Variants in SUSD5 observed in about 807,000 individuals in gnomAD.
SUSD5 encodes sushi domain-containing protein 5.
SUSD5 carries 33 observed loss-of-function variants against 29.5 expected under a neutral mutation model. The ratio of observed to expected loss-of-function variants is 1.12; its 90% CI spans 0.85 to 1.49. The LOEUF (loss-of-function observed/expected upper bound fraction) is 1.49, where lower values mean the gene tolerates loss of function less well. SUSD5 is among the 40% of genes most tolerant of loss of function. The pLI is 0.00. For missense variants in SUSD5, 776 were observed against 800.6 expected (o/e 0.97, Z 0.37); for synonymous variants, 308 against 325.3 (o/e 0.95, Z 0.57).
At chr3:33,211,776 G>C (rs1351087606) in intron 2 of SUSD5, among the ~76,000 whole-genome samples, 1 of 152,122 alleles carries the variant, frequency 6.6e-6, no homozygotes, top group Non-Finnish European at 1.5e-5. Flanking sequence ...TGCTTTTGTT[G>C]CCTGTGTTTT....
At chr3:33,210,110 T>C (rs1024968126) in intron 2 of SUSD5, among the ~76,000 whole-genome samples, 2 of 152,246 alleles carry the variant, frequency 1.3e-5, no homozygotes, top group Admixed American at 6.5e-5. Context: ...AAATCCTACA[T>C]TGGCTAAATT....
intron 3 of SUSD5, among the ~76,000 whole-genome samples, chr3:33,176,987 T>G (rs922437432): frequency 5.9e-5 from 9 of 152,250 alleles, no homozygotes; most frequent in African/African-American, 2.2e-4. Context: ...CTATCTTGAT[T>G]GCTGTAGCTT....
chr3:33,209,940 C>T (rs1272781418), intron 2 of SUSD5, among the ~76,000 whole-genome samples: 1 of 152,074 alleles, frequency 6.6e-6, no homozygotes, highest in Non-Finnish European at 1.5e-5. Flanking sequence ...CAAAATTCTC[C>T]TTCTCATCTT....
In SUSD5 at chr3:33,151,909, T is replaced by C. The variant is rs1034792775; in HGVS notation, c.*833A>G. Reference sequence around the variant, plus strand: ...CTTAAATTCTAATTTCAAGAAACAATGAAAAAAGAAACCTCAAAGCTTCTA... The same window carrying C: ...CTTAAATTCTAATTTCAAGAAACAACGAAAAAAGAAACCTCAAAGCTTCTA... On this transcript the variant is annotated 3_prime_UTR_variant, in exon 5 of 5. Coordinates refer to ENST00000309558, the MANE Select transcript of SUSD5 (RefSeq NM_015551.2). 2.0e-5 allele frequency: 3 copies of C among 152,148 alleles called. No individual in the cohort carries two copies. Among genetic ancestry groups the C allele is most frequent in the African/African-American group, 7.2e-5 (3 of 41,422 alleles). 9.4% of individuals were successfully genotyped at this position (152,148 alleles called of 1,614,324 possible).
chr3:33,201,333 C>G (rs1287818559), intron 3 of SUSD5, among the ~76,000 whole-genome samples: 1 of 152,226 alleles, frequency 6.6e-6, no homozygotes, highest in African/African-American at 2.4e-5. Context: ...GAAAACCAAA[C>G]CACAAGTCCC....
chr3:33,161,219 G>A (rs191552589), intron 4 of SUSD5, among the ~76,000 whole-genome samples: 2 of 152,254 alleles, frequency 1.3e-5, no homozygotes, highest in Admixed American at 1.3e-4. Flanking sequence ...CAGAACATTT[G>A]ACAATAGCAT....
At chr3:33,171,054 AC>A (rs2031415916) in intron 4 of SUSD5, among the ~76,000 whole-genome samples, 2 of 152,178 alleles carry the variant, frequency 1.3e-5, no homozygotes, top group African/African-American at 4.8e-5. Flanking sequence ...AAATATGGGT[AC>A]TATGGGCCGG....
intron 3 of SUSD5, among the ~76,000 whole-genome samples, chr3:33,182,809 C>T (rs534244831): frequency 1.2e-4 from 19 of 152,216 alleles, no homozygotes; most frequent in African/African-American, 2.4e-4. Flanking sequence ...TTTTTTGAGA[C>T]GGAGTCTTGC....
rs72112093 is a variant in SUSD5, at chr3:33,204,627, ATTTTG to A, written c.409+3176_409+3180del. Among the ~76,000 whole-genome samples, 42,538 of 147,620 alleles carry A rather than the reference ATTTTG, an allele frequency of 0.29. 6,350 individuals carry two copies. The highest frequency in any genetic ancestry group is 0.42 in the East Asian group (2,077 of 4,922). On this transcript the variant is annotated intron_variant, in intron 3 of 4. Coordinates refer to ENST00000309558, the MANE Select transcript of SUSD5 (RefSeq NM_015551.2). The surrounding 1 kb of genome is among the most constrained non-coding windows in gnomAD (Gnocchi z 4.5). ...TGAGCCACCACACCCGGCCTGTTTT[ATTTTG>A]TTTTGTTTTGTTTTGTTTTGTTTTG...
chr3:33,186,965 G>C (rs2031791728), intron 3 of SUSD5, among the ~76,000 whole-genome samples: 1 of 152,102 alleles, frequency 6.6e-6, no homozygotes, highest in Admixed American at 6.5e-5. Context: ...TCCTCCGCAG[G>C]GTGAGTAGGG....
rs902788114 is a variant in SUSD5 at position 33,160,166 on chromosome 3, C to T, written c.599-6133G>A. The stretch of plus-strand genomic sequence containing the variant: ...ATTGTTTTATGTTTTGCAGAGACAG[C>T]GTCTCACTATGTTGCCCAGGCTTGT... On this transcript the variant is annotated intron_variant, in intron 4 of 4. Transcript: ENST00000309558. Among the ~76,000 whole-genome samples the T allele has an allele frequency of 2.6e-5, 4 of 152,138 alleles. 1 individual carries two copies. In the South Asian group the frequency reaches 6.2e-4, roughly 24 times the overall value.
chr3:33,171,216 G>A (rs186207969), intron 4 of SUSD5, among the ~76,000 whole-genome samples: 8 of 152,102 alleles, frequency 5.3e-5, no homozygotes, highest in East Asian at 1.9e-4. Context: ...GCGTGGTGGC[G>A]CATGCCTGTA....
rs1043546874 is a variant in SUSD5 at position 33,166,021 on chromosome 3, A to AT, written c.598+8864_598+8865insA. 4.2e-4 allele frequency among the ~76,000 whole-genome samples: 64 copies of AT among 151,852 alleles called. 1 individual carries two copies. The highest frequency in any genetic ancestry group is 2.9e-5 in the Non-Finnish European group (2 of 67,900). ...GTGAGACCCCCCTCTCCAAAAAAAA[A>AT]AAAAAAGGAAAGAAAAGGAAAACAC... On this transcript the variant is annotated intron_variant, in intron 4 of 4. Transcript: ENST00000309558.
chr3:33,154,509 T>TGA (rs1470486624), intron 4 of SUSD5, among the ~76,000 whole-genome samples: 3 of 151,320 alleles, frequency 2.0e-5, no homozygotes, highest in African/African-American at 7.3e-5. Flanking sequence ...GGTGACAGAG[T>TGA]GAGACTCAAA....
intron 3 of SUSD5, 138 bp downstream of exon 3, chr3:33,207,670 G>C: frequency 3.5e-6 from 2 of 572,038 alleles, no homozygotes; most frequent in Non-Finnish European, 6.1e-6. Flanking sequence ...CGCACTATTG[G>C]CTTTTCTTTG....
At chr3:33,201,614 C>T (rs938992370) in intron 3 of SUSD5, among the ~76,000 whole-genome samples, 1 of 152,178 alleles carries the variant, frequency 6.6e-6, no homozygotes, top group African/African-American at 2.4e-5. Context: ...AGACCTGATG[C>T]CCACCTAGGC....
chr3:33,197,319 A>T (rs1273290132), intron 3 of SUSD5, among the ~76,000 whole-genome samples: 1 of 152,200 alleles, frequency 6.6e-6, no homozygotes, highest in Non-Finnish European at 1.5e-5. Context: ...AATAGAGAGA[A>T]TGATAACACC....
chr3:33,150,972 T>C lies in SUSD5; in HGVS notation c.*1770A>G, dbSNP rs568029913. Reference sequence around the variant, plus strand: ...TATTAGAAAAATATAACATGTTTCATTTCTGTGCCAACATACAGGAGACTA... The same window carrying C: ...TATTAGAAAAATATAACATGTTTCACTTCTGTGCCAACATACAGGAGACTA... On this transcript the variant is annotated 3_prime_UTR_variant, in exon 5 of 5. Coordinates refer to ENST00000309558, the MANE Select transcript of SUSD5 (RefSeq NM_015551.2). 2 of 152,354 alleles carry C rather than the reference T, an allele frequency of 1.3e-5. No homozygotes were observed. Among genetic ancestry groups the C allele is most frequent in the South Asian group, 4.1e-4 (2 of 4,824 alleles). 9.4% of individuals were successfully genotyped at this position (152,354 alleles called of 1,614,324 possible). A position where few individuals can be genotyped will look rare whatever the true frequency, so the allele number is the denominator to read the frequency against.
In SUSD5 at chr3:33,211,715, A is replaced by C. The variant is rs2032327154; in HGVS notation, c.290+2213T>G. Reference sequence around the variant, plus strand: ...ACATTTCCTGTGGCATGAAGGAAAAAGTGAAGTGGCTCCTGCCTTCTCTGA... The same window carrying C: ...ACATTTCCTGTGGCATGAAGGAAAACGTGAAGTGGCTCCTGCCTTCTCTGA... On this transcript the variant is annotated intron_variant, in intron 2 of 4. Transcript: ENST00000309558. Among the ~76,000 whole-genome samples the C allele has an allele frequency of 3.9e-5, 6 of 152,230 alleles. No individual in the cohort carries two copies. The South Asian group carries it at 1.2e-3, about 31-fold the overall frequency.
Sources: allele counts gnomAD v4.1 joint callset (sites outside exome capture counted in the v4.1 genomes callset), GRCh38; gene constraint gnomAD v4.1.1; non-coding constraint Gnocchi (gnomAD v3.1); transcripts MANE v1.5; gene names NCBI Gene and HGNC (gene_info 2026-07-23, HGNC 2026-07-21).